The following ENTREP2 variants were observed in gnomAD, a reference collection of about 807,000 sequenced individuals.
ENTREP2 encodes protein ENTREP2.
the ENTREP2 span, among the ~76,000 whole-genome samples, chr15:29,403,527 A>G: frequency 6.6e-6 from 1 of 152,262 alleles, no homozygotes; most frequent in East Asian, 1.9e-4. Flanking sequence ...TTATGCAAGC[A>G]AATTCACAGA....
chr15:29,151,030 A>G, the ENTREP2 span, among the ~76,000 whole-genome samples: 1 of 152,146 alleles, frequency 6.6e-6, no homozygotes, highest in African/African-American at 2.4e-5. Context: ...ATATTTTTTC[A>G]TCAATTTCTC....
the ENTREP2 span, among the ~76,000 whole-genome samples, chr15:29,587,171 G>GTGTA: frequency 0.062 from 9,102 of 147,178 alleles, 402 homozygotes; most frequent in Non-Finnish European, 0.091. Context: ...GTGTGTGTGT[G>GTGTA]TGTGTGTGTG....
the ENTREP2 span, among the ~76,000 whole-genome samples, chr15:29,620,814 T>C: frequency 6.6e-6 from 1 of 152,020 alleles, no homozygotes; most frequent in African/African-American, 2.4e-5. Flanking sequence ...TTCATCTTAC[T>C]GAGAGGTGGG....
At chr15:29,573,981 T>A in the ENTREP2 span, among the ~76,000 whole-genome samples, 2 of 152,126 alleles carry the variant, frequency 1.3e-5, no homozygotes, top group Middle Eastern at 3.2e-3. Context: ...GTGAGTTGAT[T>A]TCATGGGAGT....
At chr15:29,449,329 A>AG in the ENTREP2 span, among the ~76,000 whole-genome samples, 1 of 152,184 alleles carries the variant, frequency 6.6e-6, no homozygotes, top group Non-Finnish European at 1.5e-5. Flanking sequence ...GATGTGTTTG[A>AG]GCTGAGGTGC....
At chr15:29,182,151 G>T in the ENTREP2 span, among the ~76,000 whole-genome samples, 1 of 149,862 alleles carries the variant, frequency 6.7e-6, no homozygotes, top group Admixed American at 6.6e-5. Context: ...TTGAGATGGA[G>T]TCTCACTTTT....
the ENTREP2 span, among the ~76,000 whole-genome samples, chr15:29,271,872 GAGTCAAAAA>G: frequency 2.0e-5 from 3 of 152,036 alleles, no homozygotes; most frequent in African/African-American, 4.8e-5. Flanking sequence ...ACAGTGCCTT[GAGTCAAAAA>G]AGTTCAGTGA....
At chr15:29,393,128 C>T in the ENTREP2 span, among the ~76,000 whole-genome samples, 1 of 152,166 alleles carries the variant, frequency 6.6e-6, no homozygotes, top group African/African-American at 2.4e-5. Context: ...GACATGTTGT[C>T]CCAGGAGGGT....
At chr15:29,298,210 A>G in the ENTREP2 span, among the ~76,000 whole-genome samples, 1 of 152,236 alleles carries the variant, frequency 6.6e-6, no homozygotes, top group Non-Finnish European at 1.5e-5. Flanking sequence ...ACGGAATGAT[A>G]TTAAAACTAA....
chr15:29,498,190 A>G, the ENTREP2 span, among the ~76,000 whole-genome samples: 2 of 152,022 alleles, frequency 1.3e-5, no homozygotes, highest in Non-Finnish European at 2.9e-5. Flanking sequence ...TTCTGCTATG[A>G]TCGTTAAGTT....
chr15:29,235,942 G>A, the ENTREP2 span, among the ~76,000 whole-genome samples: 1,399 of 151,622 alleles, frequency 9.2e-3, 23 homozygotes, highest in African/African-American at 0.032. Flanking sequence ...CAGCCTGGGC[G>A]ACAGAGTGAG....
At chr15:29,301,391 CCTTA>C in the ENTREP2 span, among the ~76,000 whole-genome samples, 11 of 152,182 alleles carry the variant, frequency 7.2e-5, no homozygotes, top group African/African-American at 2.4e-4. Flanking sequence ...TTATGCATGT[CCTTA>C]GAGTTTTCAG....
the ENTREP2 span, among the ~76,000 whole-genome samples, chr15:29,172,243 C>A: frequency 6.6e-6 from 1 of 152,184 alleles, no homozygotes; most frequent in South Asian, 2.1e-4. Flanking sequence ...AAAGCCAATT[C>A]CAGTTCCATC....
the ENTREP2 span, among the ~76,000 whole-genome samples, chr15:29,350,390 A>G: frequency 2.6e-5 from 4 of 152,104 alleles, no homozygotes; most frequent in Non-Finnish European, 5.9e-5. Context: ...ATTGTAATCA[A>G]TAACAGGTGT....
chr15:29,542,821 C>A, the ENTREP2 span, among the ~76,000 whole-genome samples: 1 of 152,216 alleles, frequency 6.6e-6, no homozygotes, highest in Non-Finnish European at 1.5e-5. Context: ...TGGAATCACA[C>A]AGTATTTGTC....
At chr15:29,253,452 C>CTCT in the ENTREP2 span, among the ~76,000 whole-genome samples, 4 of 142,642 alleles carry the variant, frequency 2.8e-5, no homozygotes, top group Non-Finnish European at 1.5e-5. Flanking sequence ...GTCTCTCTCT[C>CTCT]TTTTTTTTTT....
chr15:29,137,320 G>T, the ENTREP2 span: 9 of 872,696 alleles, frequency 1.0e-5, no homozygotes, highest in Non-Finnish European at 1.5e-5. Context: ...GTCAAGCCAT[G>T]ACTGCTAAGC....
chr15:29,213,300 TA>T, the ENTREP2 span, among the ~76,000 whole-genome samples: 3 of 152,254 alleles, frequency 2.0e-5, no homozygotes, highest in South Asian at 4.1e-4. Flanking sequence ...ATATGAACTT[TA>T]AAGTAGTTTT....
At chr15:29,203,221 C>T in the ENTREP2 span, among the ~76,000 whole-genome samples, 8 of 152,078 alleles carry the variant, frequency 5.3e-5, no homozygotes, top group East Asian at 1.9e-4. Flanking sequence ...GCTAACATGG[C>T]GAAACCCCGT....
Sources: gnomAD v4.1 joint callset for allele counts (sites outside exome capture counted in the v4.1 genomes callset) on GRCh38, gnomAD v4.1.1 for gene constraint, MANE v1.5 for transcripts, NCBI Gene and HGNC (gene_info 2026-07-23, HGNC 2026-07-21) for gene names.